The following DAB1 variants were observed in gnomAD, a reference collection of about 807,000 sequenced individuals.
The protein encoded by DAB1 is disabled homolog 1.
In DAB1, 15 loss-of-function variants were observed where a neutral mutation model predicts 64.6. The ratio of observed to expected loss-of-function variants is 0.23; its 90% CI spans 0.16 to 0.36. The LOEUF (loss-of-function observed/expected upper bound fraction) is 0.36. Among genes scored for constraint, DAB1 ranks in the 10% least tolerant of loss-of-function variants. The pLI is 1.00. For missense variants in DAB1, 596 were observed against 706.7 expected, an observed-to-expected ratio of 0.84 and a Z score of 1.78; for synonymous variants, 235 against 251.9, an observed-to-expected ratio of 0.93 and a Z score of 0.64.
chr1:58,270,296 CTTGT>C (rs1661283357), intron 4 of DAB1, among the ~76,000 whole-genome samples: 1 of 147,178 alleles, frequency 6.8e-6, no homozygotes, highest in African/African-American at 2.6e-5. Context: ...TTCCCCATTG[CTTGT>C]TTTTCTCGGT....
Position 57,975,620 on chromosome 1 carries a change from G to T in DAB1, n.388-91458C>A, listed in dbSNP as rs563843087. Among the ~76,000 whole-genome samples the T allele has an allele frequency of 2.6e-5, 4 of 152,298 alleles. No individual in the cohort carries two copies. The South Asian group carries it at 8.3e-4, about 32-fold the overall frequency. On this transcript the variant is annotated intron_variant and non_coding_transcript_variant, in intron 5 of 20. Transcript: ENST00000485760. ...ATTTAATTTACTTGTTTATTAAACA[G>T]AAGTTTGACTACTTATCATGTCTCA...
chr1:58,541,614 C>CAAAAAAAAAAAAAAAAAAAAAA (rs60360589), intron 1 of DAB1: 10 of 65,628 alleles, frequency 1.5e-4, no homozygotes, highest in South Asian at 1.5e-3. Flanking sequence ...GAGAACCTGT[C>CAAAAAAAAAAAAAAAAAAAAAA]AAAAAAAAAA....
chr1:57,336,411 A>G (rs1677080857), intron 1 of DAB1, among the ~76,000 whole-genome samples: 1 of 152,230 alleles, frequency 6.6e-6, no homozygotes, highest in African/African-American at 2.4e-5. Context: ...AAACACTGAA[A>G]TAAGAAATGC....
At chr1:58,506,946 C>T (rs1645998804) in intron 2 of DAB1, among the ~76,000 whole-genome samples, 2 of 151,782 alleles carry the variant, frequency 1.3e-5, no homozygotes, top group African/African-American at 4.8e-5. Flanking sequence ...ATGTACAATT[C>T]CATCATACAC....
intron 4 of DAB1, among the ~76,000 whole-genome samples, chr1:58,231,661 A>C (rs683531): frequency 1 from 152,111 of 152,316 alleles, 75,954 homozygotes; most frequent in Middle Eastern, 1. Flanking sequence ...AATGATTATG[A>C]CACTGAGTGA....
At chr1:58,009,788 A>G (rs1046386150) in intron 5 of DAB1, among the ~76,000 whole-genome samples, 1 of 152,098 alleles carries the variant, frequency 6.6e-6, no homozygotes, top group South Asian at 2.1e-4. Flanking sequence ...TCCTTATATG[A>G]TATTTCCAGG....
chr1:57,600,773 T>C (rs1432169910), intron 7 of DAB1, among the ~76,000 whole-genome samples: 3 of 152,204 alleles, frequency 2.0e-5, no homozygotes, highest in Non-Finnish European at 2.9e-5. Context: ...TGAGCTTTAA[T>C]GGAAAAATGA....
intron 7 of DAB1, among the ~76,000 whole-genome samples, chr1:57,497,921 G>C (rs1052574961): frequency 5.3e-5 from 8 of 152,220 alleles, no homozygotes; most frequent in Non-Finnish European, 1.2e-4. Context: ...AGAATGAACT[G>C]GAAGAGGATA....
At chr1:57,125,709 A>G (rs985992266) in intron 4 of DAB1, among the ~76,000 whole-genome samples, 1 of 152,182 alleles carries the variant, frequency 6.6e-6, no homozygotes, top group Admixed American at 6.5e-5. Flanking sequence ...AATACATTTT[A>G]TGCAACCTTC....
At chr1:58,220,964 C>T (rs1659135075) in intron 4 of DAB1, among the ~76,000 whole-genome samples, 1 of 150,904 alleles carries the variant, frequency 6.6e-6, no homozygotes, top group African/African-American at 2.4e-5. Flanking sequence ...GATCATTGGC[C>T]AGCCCAGGTG....
chr1:58,223,777 A>G (rs1181379472), intron 4 of DAB1, among the ~76,000 whole-genome samples: 7 of 152,236 alleles, frequency 4.6e-5, no homozygotes, highest in African/African-American at 7.2e-5. Flanking sequence ...TGGTGCTAAT[A>G]AAGTGCACGA....
At chr1:57,688,275 A>G (rs573373729) in intron 6 of DAB1, among the ~76,000 whole-genome samples, 19 of 152,328 alleles carry the variant, frequency 1.2e-4, no homozygotes, top group African/African-American at 4.6e-4. Context: ...ACACTTCTCA[A>G]AAGAAGACAT....
chr1:57,171,118 A>T (rs1331396952), intron 2 of DAB1, among the ~76,000 whole-genome samples: 1 of 152,180 alleles, frequency 6.6e-6, no homozygotes, highest in Admixed American at 6.5e-5. Context: ...GAATTTCTTT[A>T]CAATAAAGCT....
chr1:57,443,980 T>A (rs1228529376), intron 7 of DAB1, among the ~76,000 whole-genome samples: 1 of 152,206 alleles, frequency 6.6e-6, no homozygotes, highest in Non-Finnish European at 1.5e-5. Context: ...GTTTTTAAAA[T>A]CTTGATGAAG....
chr1:57,663,336 T>G (rs1193720448), intron 6 of DAB1, among the ~76,000 whole-genome samples: 2 of 152,162 alleles, frequency 1.3e-5, no homozygotes, highest in African/African-American at 4.8e-5. Context: ...GATTACAATT[T>G]GACGTGAGAT....
intron 3 of DAB1, among the ~76,000 whole-genome samples, chr1:58,428,759 G>A (rs1160537169): frequency 6.6e-6 from 1 of 152,212 alleles, no homozygotes; most frequent in Non-Finnish European, 1.5e-5. Flanking sequence ...GCTAGAGCAT[G>A]TACATTTATA....
intron 5 of DAB1, among the ~76,000 whole-genome samples, chr1:57,984,514 G>T (rs1195941068): frequency 6.6e-6 from 1 of 152,178 alleles, no homozygotes; most frequent in East Asian, 1.9e-4. Context: ...GATGTCAGCA[G>T]CCTAATTACT....
chr1:57,259,547 G>C (rs1051911185), intron 2 of DAB1, among the ~76,000 whole-genome samples: 5 of 152,182 alleles, frequency 3.3e-5, no homozygotes, highest in African/African-American at 1.2e-4. Flanking sequence ...ATGAGGGGCA[G>C]CGCAGGTTCC....
intron 6 of DAB1, among the ~76,000 whole-genome samples, chr1:57,712,756 T>A (rs1328943307): frequency 6.6e-6 from 1 of 152,174 alleles, no homozygotes; most frequent in Admixed American, 6.5e-5. Flanking sequence ...CCCAGAACAT[T>A]CATTTTACAG....
Sources: allele counts gnomAD v4.1 joint callset (sites outside exome capture counted in the v4.1 genomes callset), GRCh38; gene constraint gnomAD v4.1.1; transcripts MANE v1.5; gene names NCBI Gene and HGNC (gene_info 2026-07-23, HGNC 2026-07-21).